SHOC2: variants seen among roughly 807,000 people sequenced by gnomAD.
SHOC2 encodes the protein leucine-rich repeat protein SHOC-2.
In SHOC2, 4 loss-of-function variants were observed where a neutral mutation model predicts 50.2. The observed-to-expected ratio is 0.08, with a 90% CI of 0.04 to 0.18. The LOEUF (loss-of-function observed/expected upper bound fraction) is 0.18, where lower values mean the gene tolerates loss of function less well. Among genes scored for constraint, SHOC2 ranks in the 10% least tolerant of loss-of-function variants. SHOC2 has a pLI of 1.00. For synonymous variants in SHOC2, 218 were observed against 244.5 expected (o/e 0.89, Z 1.01); for missense variants, 388 against 669.6 (o/e 0.58, Z 4.64).
chr10:111,009,198 T>G, intron 6 of SHOC2, 50 bp from the exon 7 acceptor site: 1 of 1,290,240 alleles, frequency 7.8e-7, no homozygotes. Context: ...AATGACAGTA[T>G]ATAATTTCAT....
chr10:110,952,384 G>GTT (rs1291922631), intron 1 of SHOC2, among the ~76,000 whole-genome samples: 1 of 152,072 alleles, frequency 6.6e-6, no homozygotes, highest in East Asian at 1.9e-4. Context: ...AAAGTGCATA[G>GTT]TTTACATTAG....
chr10:110,995,502 C>T (rs1848253682), intron 3 of SHOC2, among the ~76,000 whole-genome samples: 1 of 152,102 alleles, frequency 6.6e-6, no homozygotes, highest in Non-Finnish European at 1.5e-5. Context: ...GGTTCTGTGA[C>T]AAGGAAACAA....
At chr10:110,922,365 G>T (rs975458541) in intron 1 of SHOC2, among the ~76,000 whole-genome samples, 19 of 152,126 alleles carry the variant, frequency 1.2e-4, no homozygotes, top group Admixed American at 5.2e-4. Context: ...TATACAGGTG[G>T]ATAAATTATA....
chr10:110,983,529 A>C (rs1276849403), intron 2 of SHOC2, among the ~76,000 whole-genome samples: 1 of 152,158 alleles, frequency 6.6e-6, no homozygotes, highest in Non-Finnish European at 1.5e-5. Context: ...ATAACATATA[A>C]TTTATCATTT....
At chr10:110,936,998 A>G (rs1303972264) in intron 1 of SHOC2, 2 of 1,478,398 alleles carry the variant, frequency 1.4e-6, no homozygotes, top group Non-Finnish European at 1.9e-6. Context: ...CAGCCAGAAG[A>G]TGGGGCTGGG....
In SHOC2 at chr10:111,011,962, T is replaced by C. The variant is rs936410980; in HGVS notation, c.*144T>C. 5 of 698,128 alleles carry C rather than the reference T, an allele frequency of 7.2e-6. No individual in the cohort carries two copies. Among genetic ancestry groups the C allele is most frequent in the Admixed American group, 2.7e-5 (1 of 36,546 alleles). The allele number at this position is 698,128 out of a possible 1,614,324, so 43.2% of individuals were successfully genotyped here. On this transcript the variant is annotated 3_prime_UTR_variant, in exon 9 of 9. Coordinates refer to ENST00000369452, the MANE Select transcript of SHOC2 (RefSeq NM_007373.4). ...TGTGTTTCTGCTAATAGAGGAATCA[T>C]AGCCATTTAGAATTTTTTTTAAATT... is the stretch of plus-strand genomic sequence containing the variant.
chr10:110,985,971 G>T, intron 3 of SHOC2: 3 of 527,250 alleles, frequency 5.7e-6, no homozygotes, highest in Non-Finnish European at 3.4e-6. Flanking sequence ...AGCCCAATGG[G>T]ATTATAAAAG....
chr10:110,986,002 T>C (rs1285395321), intron 3 of SHOC2: 8 of 478,362 alleles, frequency 1.7e-5, no homozygotes, highest in Non-Finnish European at 3.0e-5. Flanking sequence ...TTGAGTTACA[T>C]GTATATATAT....
At chr10:110,954,677 G>C (rs1035043805) in intron 1 of SHOC2, among the ~76,000 whole-genome samples, 1 of 152,160 alleles carries the variant, frequency 6.6e-6, no homozygotes. Context: ...AAACATAAAA[G>C]AGTAAAGTAA....
rs902146493 is a variant in SHOC2, at chr10:110,964,323, G to A, written c.-36G>A. On this transcript the variant is annotated 5_prime_UTR_variant, in exon 2 of 9. Transcript: ENST00000369452. The surrounding 1 kb of genome is among the most constrained non-coding windows in gnomAD (Gnocchi z 4.9). The stretch of plus-strand genomic sequence containing the variant: ...TGAATTCAATTACTGGAAAATAAAA[G>A]GAGTTCATGTAGTTTTTGTCCAGGC... 2 of 1,604,224 alleles carry A rather than the reference G, an allele frequency of 1.2e-6. No individual in the cohort carries two copies. The highest frequency in any genetic ancestry group is 2.7e-5 in the African/African-American group (2 of 74,584).
chr10:110,972,164 T>C (rs1284485238), intron 2 of SHOC2, among the ~76,000 whole-genome samples: 1 of 150,904 alleles, frequency 6.6e-6, no homozygotes, highest in Non-Finnish European at 1.5e-5. Context: ...CTTTATAATA[T>C]ATAAAAAGTA....
chr10:110,935,466 G>A (rs778816325), intron 1 of SHOC2, among the ~76,000 whole-genome samples: 1 of 152,138 alleles, frequency 6.6e-6, no homozygotes, highest in South Asian at 2.1e-4. Context: ...GGACATTTAG[G>A]TGTTTCCATA....
intron 1 of SHOC2, among the ~76,000 whole-genome samples, chr10:110,946,394 A>G (rs1001362698): frequency 6.7e-6 from 1 of 150,060 alleles, no homozygotes; most frequent in Non-Finnish European, 1.5e-5. Flanking sequence ...CTCTGAATAT[A>G]CAGCTGCAAA....
chr10:110,936,833 T>C (rs1185938551), intron 1 of SHOC2: 1 of 1,324,500 alleles, frequency 7.6e-7, no homozygotes, highest in Admixed American at 1.7e-5. Context: ...ATAGGCAAAC[T>C]TTCTTGTAGG....
At chr10:110,981,341 C>G (rs561242430) in intron 2 of SHOC2, among the ~76,000 whole-genome samples, 18 of 152,244 alleles carry the variant, frequency 1.2e-4, no homozygotes, top group Admixed American at 3.9e-4. Context: ...AATTTTTTGT[C>G]TGAATGAATG....
intron 2 of SHOC2, among the ~76,000 whole-genome samples, chr10:110,967,126 T>C (rs1847691065): frequency 6.6e-6 from 1 of 152,184 alleles, no homozygotes. Context: ...GTTCTGTCCG[T>C]GTATACTTTA....
intron 1 of SHOC2, among the ~76,000 whole-genome samples, chr10:110,963,210 G>A (rs1847604475): frequency 1.3e-5 from 2 of 152,100 alleles, no homozygotes; most frequent in Non-Finnish European, 2.9e-5. Flanking sequence ...TGTTTAGGGA[G>A]GACTGATTCC....
intron 1 of SHOC2, among the ~76,000 whole-genome samples, chr10:110,960,778 T>C (rs1201176579): frequency 6.6e-6 from 1 of 152,142 alleles, no homozygotes; most frequent in African/African-American, 2.4e-5. Flanking sequence ...TGGGTTCAAG[T>C]GACTCTCCTG....
chr10:111,004,525 A>G (rs1166308012), intron 4 of SHOC2, 81 bp from the exon 5 acceptor site: 2 of 1,019,318 alleles, frequency 2.0e-6, no homozygotes, highest in East Asian at 4.9e-5. Context: ...CCTTTGAGGC[A>G]TTTGTGTTGG....
Sources: allele counts gnomAD v4.1 joint callset (sites outside exome capture counted in the v4.1 genomes callset), GRCh38; gene constraint gnomAD v4.1.1; non-coding constraint Gnocchi (gnomAD v3.1); transcripts MANE v1.5; gene names NCBI Gene and HGNC (gene_info 2026-07-23, HGNC 2026-07-21).